The following SUSD1 variants were observed in gnomAD, a reference collection of about 807,000 sequenced individuals.
SUSD1 encodes sushi domain containing 1.
A neutral mutation model predicts 86.9 loss-of-function variants in SUSD1; 65 were observed. The observed-to-expected ratio is 0.75, with a 90% confidence interval of 0.61 to 0.92. SUSD1 has a LOEUF of 0.92. SUSD1 is among the 40% of genes least tolerant of loss of function. The pLI is 0.00. For missense variants in SUSD1, 850 were observed against 929.7 expected, an observed-to-expected ratio of 0.91 and a Z score of 1.11; for synonymous variants, 346 against 350.0, an observed-to-expected ratio of 0.99 and a Z score of 0.13.
At chr9:112,069,660 T>C (rs893794283) in intron 12 of SUSD1, among the ~76,000 whole-genome samples, 1 of 152,154 alleles carries the variant, frequency 6.6e-6, no homozygotes, top group Non-Finnish European at 1.5e-5. Flanking sequence ...GTCACTCTTT[T>C]CTGTGTGAGA....
intron 2 of SUSD1, among the ~76,000 whole-genome samples, chr9:112,152,486 C>T (rs949819693): frequency 6.6e-6 from 1 of 151,200 alleles, no homozygotes; most frequent in Non-Finnish European, 1.5e-5. Context: ...ACTGCAACCT[C>T]AACCTCCTAA....
At chr9:112,080,456 G>C (rs1223269223) in intron 10 of SUSD1, among the ~76,000 whole-genome samples, 1 of 152,168 alleles carries the variant, frequency 6.6e-6, no homozygotes, top group African/African-American at 2.4e-5. Flanking sequence ...GGGAGGCCAA[G>C]GCAGGCAGAT....
chr9:112,141,701 AT>A (rs1832572251), intron 5 of SUSD1, among the ~76,000 whole-genome samples: 1 of 146,934 alleles, frequency 6.8e-6, no homozygotes, highest in South Asian at 2.1e-4. Flanking sequence ...TATATAAAAA[AT>A]ATATAATATA....
intron 2 of SUSD1, among the ~76,000 whole-genome samples, chr9:112,152,931 T>C (rs1833129409): frequency 8.9e-6 from 1 of 112,220 alleles, no homozygotes; most frequent in Admixed American, 9.1e-5. Context: ...ATTTTTTAAT[T>C]GGAAAAAAAA....
At chr9:112,055,682 G>A (rs761231549) in intron 14 of SUSD1, among the ~76,000 whole-genome samples, 7 of 151,986 alleles carry the variant, frequency 4.6e-5, no homozygotes, top group Non-Finnish European at 8.8e-5. Context: ...CTGAAAGCAG[G>A]GGCTGAAACA....
intron 14 of SUSD1, among the ~76,000 whole-genome samples, chr9:112,053,478 C>A (rs1003983094): frequency 7.9e-6 from 1 of 126,998 alleles, no homozygotes; most frequent in Non-Finnish European, 1.6e-5. Flanking sequence ...CACACCATTG[C>A]ACTCCAGCCT....
intron 12 of SUSD1, among the ~76,000 whole-genome samples, chr9:112,064,877 G>GA (rs558673175): frequency 0.14 from 12,094 of 87,864 alleles, 730 homozygotes; most frequent in East Asian, 0.28. Flanking sequence ...CTCTGTCTCA[G>GA]AAAAAAAAAA....
chr9:112,096,094 GCTTGGT>G (rs1830384758), intron 10 of SUSD1, among the ~76,000 whole-genome samples: 1 of 152,154 alleles, frequency 6.6e-6, no homozygotes, highest in Non-Finnish European at 1.5e-5. Context: ...ACTCCAGACT[GCTTGGT>G]AACCTACAGA....
At chr9:112,043,429 A>G (rs1052706348) in intron 15 of SUSD1, among the ~76,000 whole-genome samples, 1 of 152,032 alleles carries the variant, frequency 6.6e-6, no homozygotes, top group Non-Finnish European at 1.5e-5. Context: ...TTCATCTCCA[A>G]CCCAACCAAT....
At chr9:112,158,262 G>A (rs535521717) in intron 1 of SUSD1, among the ~76,000 whole-genome samples, 43 of 152,074 alleles carry the variant, frequency 2.8e-4, no homozygotes, top group African/African-American at 9.2e-4. Context: ...TATCCTACTC[G>A]CATGCCACAA....
At chr9:112,053,031 C>T (rs574549235) in intron 14 of SUSD1, among the ~76,000 whole-genome samples, 2 of 152,174 alleles carry the variant, frequency 1.3e-5, no homozygotes, top group Non-Finnish European at 2.9e-5. Context: ...TTATGATATG[C>T]TTATTTACCT....
chr9:112,087,287 C>T (rs1350208129), intron 10 of SUSD1, among the ~76,000 whole-genome samples: 3 of 152,124 alleles, frequency 2.0e-5, no homozygotes, highest in African/African-American at 7.2e-5. Flanking sequence ...GTTCAAGTGA[C>T]TCTTCTGCCT....
At chr9:112,111,894 G>C in intron 7 of SUSD1, 54 bp from the exon 8 acceptor site, 1 of 1,576,846 alleles carries the variant, frequency 6.3e-7, no homozygotes, top group Non-Finnish European at 8.7e-7. Flanking sequence ...AAACAATCCA[G>C]GATTTGTGGT....
intron 14 of SUSD1, among the ~76,000 whole-genome samples, chr9:112,053,563 T>C: frequency 7.3e-6 from 1 of 136,500 alleles, no homozygotes; most frequent in South Asian, 2.4e-4. Context: ...AAAATAGCCA[T>C]AAGCGTTTGA....
chr9:112,141,505 C>A (rs2131750028), intron 5 of SUSD1, among the ~76,000 whole-genome samples: 1 of 151,826 alleles, frequency 6.6e-6, no homozygotes, highest in East Asian at 1.9e-4. Context: ...GGTGAAACCC[C>A]ATCTTTACTA....
intron 2 of SUSD1, among the ~76,000 whole-genome samples, chr9:112,150,374 T>A (rs373729890): frequency 1.3e-5 from 2 of 152,264 alleles, no homozygotes. Flanking sequence ...CATCAACTTA[T>A]GAATTTGTAG....
At chr9:112,063,426 A>G (rs1454484170) in intron 12 of SUSD1, among the ~76,000 whole-genome samples, 3 of 152,226 alleles carry the variant, frequency 2.0e-5, no homozygotes, top group Non-Finnish European at 4.4e-5. Context: ...TCAAGATGTT[A>G]AAATGGCACA....
At position 112,058,785 on chromosome 9, in the gene SUSD1, CTTTGTTTTTTTGTTT is replaced by C. The variant is rs146486753; in HGVS notation, c.1851-114_1851-100del. ...CACCTGCTATGAGACAAACCTCTTTCTTTGTTTTTTTGTTTTTTGTTTTTTTTGAGATGGAGTCTT... is the reference window on the plus strand; with the variant it reads ...CACCTGCTATGAGACAAACCTCTTTCTTTGTTTTTTTTGAGATGGAGTCTT... On this transcript the variant is annotated intron_variant, in intron 13 of 16. Transcript: ENST00000374270. 6.2e-3 allele frequency: 9,124 copies of C among 1,479,488 alleles called. 467 individuals carry two copies. In the African/African-American group the frequency reaches 0.11, roughly 18 times the overall value. The allele number at this position is 1,479,488 out of a possible 1,614,324, so 91.6% of individuals were successfully genotyped here. A position where few individuals can be genotyped will look rare whatever the true frequency, so the allele number is the denominator to read the frequency against.
chr9:112,054,145 A>G (rs1285760872), intron 14 of SUSD1, among the ~76,000 whole-genome samples: 1 of 152,248 alleles, frequency 6.6e-6, no homozygotes, highest in African/African-American at 2.4e-5. Context: ...ATTTACTACA[A>G]AACTACAGTA....
Sources: gnomAD v4.1 joint callset for allele counts (sites outside exome capture counted in the v4.1 genomes callset) on GRCh38, gnomAD v4.1.1 for gene constraint, MANE v1.5 for transcripts, NCBI Gene and HGNC (gene_info 2026-07-23, HGNC 2026-07-21) for gene names.